Variants in SERGEF observed in about 807,000 individuals in gnomAD.
SERGEF encodes secretion-regulating guanine nucleotide exchange factor.
SERGEF carries 51 observed loss-of-function variants against 50.0 expected under a neutral mutation model. The observed-to-expected ratio is 1.02, with a 90% CI of 0.81 to 1.29. SERGEF has a LOEUF of 1.29. SERGEF is among the 50% of genes most tolerant of loss of function. The pLI is 0.00. For synonymous variants in SERGEF, 205 were observed against 212.4 expected, an observed-to-expected ratio of 0.97 and a Z score of 0.30; for missense variants, 521 against 557.0, an observed-to-expected ratio of 0.94 and a Z score of 0.65.
chr11:17,961,354 C>T (rs1420533333), intron 8 of SERGEF, among the ~76,000 whole-genome samples: 1 of 152,192 alleles, frequency 6.6e-6, no homozygotes, highest in African/African-American at 2.4e-5. Context: ...GTCCCTCTAC[C>T]TGAGCTGGCT....
At chr11:17,909,082 G>T (rs1851903163) in intron 9 of SERGEF, among the ~76,000 whole-genome samples, 1 of 152,186 alleles carries the variant, frequency 6.6e-6, no homozygotes, top group East Asian at 1.9e-4. Flanking sequence ...GGAAGATGCT[G>T]GTAGAAGGAG....
chr11:17,940,332 T>C (rs895610795), intron 9 of SERGEF, among the ~76,000 whole-genome samples: 2 of 152,128 alleles, frequency 1.3e-5, no homozygotes, highest in Non-Finnish European at 2.9e-5. Flanking sequence ...TGAGTCAAGA[T>C]TATCTGGGTT....
chr11:17,811,676 G>A (rs767780922), intron 10 of SERGEF, among the ~76,000 whole-genome samples: 1 of 152,336 alleles, frequency 6.6e-6, no homozygotes, highest in East Asian at 1.9e-4. Flanking sequence ...TGTGCTGGGC[G>A]CTCCGGAGGC....
At chr11:17,807,456 T>C (rs1202269617) in intron 10 of SERGEF, among the ~76,000 whole-genome samples, 1 of 152,178 alleles carries the variant, frequency 6.6e-6, no homozygotes, top group Non-Finnish European at 1.5e-5. Context: ...ACTCACCTGG[T>C]CCCTTTACTG....
intron 3 of SERGEF, among the ~76,000 whole-genome samples, chr11:18,005,419 T>C (rs1001303427): frequency 5.3e-5 from 8 of 152,128 alleles, no homozygotes; most frequent in African/African-American, 1.9e-4. Context: ...CAGAAGAACA[T>C]ATACTGCTTG....
At chr11:17,963,167 G>C (rs1397684432) in intron 8 of SERGEF, among the ~76,000 whole-genome samples, 1 of 141,682 alleles carries the variant, frequency 7.1e-6, no homozygotes, top group East Asian at 2.0e-4. Context: ...GGGCAACAGA[G>C]GGAGACTCTG....
In SERGEF at chr11:17,830,758, G is replaced by T. The variant is rs141274489; in HGVS notation, c.1049-42345C>A. ...ATAACAGCATTAGTCCATTCATAAG[G>T]GCAGACCTAAACACCTCTTACACGT... On this transcript the variant is annotated intron_variant, in intron 10 of 10. Coordinates refer to ENST00000265965, the MANE Select transcript of SERGEF (RefSeq NM_012139.4). 6.7e-3 allele frequency among the ~76,000 whole-genome samples: 1,011 copies of T among 150,444 alleles called. 7 individuals are homozygous for T. The highest frequency in any genetic ancestry group is 0.017 in the Middle Eastern group (5 of 286).
intron 5 of SERGEF, 99 bp downstream of exon 5, chr11:18,000,398 A>G (rs1853935417): frequency 2.6e-6 from 2 of 759,602 alleles, no homozygotes; most frequent in Admixed American, 3.2e-5. Flanking sequence ...ACAGCAAGCT[A>G]TGATCGAGCC....
intron 9 of SERGEF, among the ~76,000 whole-genome samples, chr11:17,957,738 G>GAAAAAAAAAA (rs201005017): frequency 7.4e-6 from 1 of 134,848 alleles, no homozygotes. Flanking sequence ...CTAGTGGTGG[G>GAAAAAAAAAA]AAAAAAAAAA....
chr11:17,906,998 A>G (rs1851858612), intron 9 of SERGEF, among the ~76,000 whole-genome samples: 1 of 152,138 alleles, frequency 6.6e-6, no homozygotes, highest in African/African-American at 2.4e-5. Flanking sequence ...TGGGAAGAGC[A>G]CTAGGCTATA....
At chr11:17,854,845 T>C (rs952450983) in intron 10 of SERGEF, 1 of 152,248 alleles carries the variant, frequency 6.6e-6, no homozygotes, top group African/African-American at 2.4e-5. Flanking sequence ...GGCAAGGATG[T>C]GGAGCTATAG....
chr11:17,804,938 T>G (rs554066296), intron 10 of SERGEF, among the ~76,000 whole-genome samples: 3 of 152,328 alleles, frequency 2.0e-5, no homozygotes, highest in African/African-American at 7.2e-5. Flanking sequence ...ATCCCTCAAT[T>G]TGATGTCTTC....
At chr11:17,830,811 C>G (rs1021461125) in intron 10 of SERGEF, among the ~76,000 whole-genome samples, 11 of 152,062 alleles carry the variant, frequency 7.2e-5, no homozygotes, top group Admixed American at 4.6e-4. Context: ...TTATAATGAC[C>G]AAGTTTTAAC....
At chr11:17,995,396 G>A (rs113582955) in intron 6 of SERGEF, among the ~76,000 whole-genome samples, 2 of 152,314 alleles carry the variant, frequency 1.3e-5, no homozygotes, top group African/African-American at 4.8e-5. Flanking sequence ...TTGGTCAGGC[G>A]TTAAGTTTAG....
At chr11:17,812,947 C>T (rs1849901225) in intron 10 of SERGEF, among the ~76,000 whole-genome samples, 1 of 152,158 alleles carries the variant, frequency 6.6e-6, no homozygotes, top group Non-Finnish European at 1.5e-5. Flanking sequence ...AAGGCAATGT[C>T]ACCTCCTCTC....
Position 18,007,935 on chromosome 11 carries a change from A to T in SERGEF, c.196+6T>A, listed in dbSNP as rs1226775183. ...TGAGTGACTATCTACTTTTGAAGGAAATTACCTGTGACAACTGCAGAGTGG... is the reference window on the plus strand; with the variant it reads ...TGAGTGACTATCTACTTTTGAAGGATATTACCTGTGACAACTGCAGAGTGG... On this transcript the variant is annotated splice_donor_region_variant and intron_variant, in intron 2 of 10. Coordinates refer to ENST00000265965, the MANE Select transcript of SERGEF (RefSeq NM_012139.4). 6.2e-7 allele frequency: 1 copy of T among 1,608,948 alleles called. No homozygotes were observed. The highest frequency in any genetic ancestry group is 8.5e-7 in the Non-Finnish European group (1 of 1,177,168).
chr11:17,854,496 C>T (rs1850778042), intron 10 of SERGEF, among the ~76,000 whole-genome samples: 2 of 152,154 alleles, frequency 1.3e-5, no homozygotes, highest in Admixed American at 6.5e-5. Flanking sequence ...CATTCTTCCC[C>T]TTCCTTTCTC....
chr11:17,988,419 G>A (rs1036236761), intron 8 of SERGEF, among the ~76,000 whole-genome samples, 178 bp downstream of exon 8: 1 of 152,116 alleles, frequency 6.6e-6, no homozygotes, highest in African/African-American at 2.4e-5. Flanking sequence ...GTACAAACCT[G>A]TGACTCTGAG....
chr11:17,896,464 G>A (rs1851622117), intron 9 of SERGEF, among the ~76,000 whole-genome samples: 2 of 151,458 alleles, frequency 1.3e-5, no homozygotes, highest in Non-Finnish European at 2.9e-5. Context: ...TACACTTAAT[G>A]CTATGCTACA....
Sources: allele counts gnomAD v4.1 joint callset (sites outside exome capture counted in the v4.1 genomes callset), GRCh38; gene constraint gnomAD v4.1.1; transcripts MANE v1.5; gene names NCBI Gene and HGNC (gene_info 2026-07-23, HGNC 2026-07-21).